SLC25A13: variants seen among roughly 807,000 people sequenced by gnomAD.
The protein encoded by SLC25A13 is solute carrier family 25 member 13.
In SLC25A13, 70 loss-of-function variants were observed where a neutral mutation model predicts 85.5. The observed-to-expected ratio is 0.82, with a 90% CI of 0.68 to 1.00. The LOEUF (loss-of-function observed/expected upper bound fraction) is 1.00. Ranked by LOEUF, SLC25A13 falls within the 50% of genes least tolerant of loss-of-function variation. The pLI is 0.00. For missense variants in SLC25A13, 765 were observed against 819.8 expected (o/e 0.93, Z 0.82); for synonymous variants, 259 against 288.7 (o/e 0.90, Z 1.04).
chr7:96,232,019 C>A (rs886651318), intron 4 of SLC25A13, among the ~76,000 whole-genome samples: 1 of 152,108 alleles, frequency 6.6e-6, no homozygotes, highest in African/African-American at 2.4e-5. Flanking sequence ...CTGTGGAAAA[C>A]AGTGTGGTGA....
At chr7:96,158,832 T>C (rs1989826) in intron 13 of SLC25A13, among the ~76,000 whole-genome samples, 57,931 of 152,086 alleles carry the variant, frequency 0.38, 11,245 homozygotes, top group East Asian at 0.59. Flanking sequence ...GACATTTGAA[T>C]AAATTAGAAA....
intron 13 of SLC25A13, among the ~76,000 whole-genome samples, chr7:96,159,834 G>C (rs754014249): frequency 6.6e-6 from 1 of 152,000 alleles, no homozygotes; most frequent in African/African-American, 2.4e-5. Context: ...AAATATCCTA[G>C]TCCTAATTTC....
At chr7:96,192,501 C>A (rs1053659912) in intron 6 of SLC25A13, among the ~76,000 whole-genome samples, 1 of 152,040 alleles carries the variant, frequency 6.6e-6, no homozygotes, top group African/African-American at 2.4e-5. Context: ...CAGGACATCC[C>A]CAGGGCCCAT....
chr7:96,311,324 G>T (rs570334532), intron 1 of SLC25A13, among the ~76,000 whole-genome samples: 1 of 152,184 alleles, frequency 6.6e-6, no homozygotes, highest in East Asian at 1.9e-4. Context: ...ACCCAGCAAT[G>T]TGATGGGAAG....
At chr7:96,194,461 A>AAAAAAAAAAAAAAAAAT (rs1562832900) in intron 5 of SLC25A13, among the ~76,000 whole-genome samples, 1 of 148,482 alleles carries the variant, frequency 6.7e-6, no homozygotes, top group Non-Finnish European at 1.5e-5. Context: ...AAAAAAAAAA[A>AAAAAAAAAAAAAAAAAT]AAAAAAGGAA....
intron 11 of SLC25A13, among the ~76,000 whole-genome samples, chr7:96,182,794 C>T (rs1794470820): frequency 1.3e-5 from 2 of 152,188 alleles, no homozygotes; most frequent in African/African-American, 2.4e-5. Context: ...AGACACTGAG[C>T]AGTGTTGGGA....
rs993896847 is a variant in SLC25A13, at chr7:96,123,435, T to A, written c.1592-1438A>T. 2.6e-5 allele frequency among the ~76,000 whole-genome samples: 4 copies of A among 152,176 alleles called. No individual in the cohort carries two copies. The East Asian group carries it at 7.7e-4, about 29-fold the overall frequency. ...GTGGGCAGGCATGTCAGACTGTGAC[T>A]GTGAAAGACATACAAGCAATAAAAT... On this transcript the variant is annotated intron_variant, in intron 15 of 17. Transcript: ENST00000265631.
intron 14 of SLC25A13, among the ~76,000 whole-genome samples, chr7:96,132,470 C>T (rs1227837851): frequency 6.6e-6 from 1 of 152,110 alleles, no homozygotes; most frequent in Non-Finnish European, 1.5e-5. Flanking sequence ...TTGATAAATG[C>T]CTGCTCTAAA....
intron 11 of SLC25A13, among the ~76,000 whole-genome samples, chr7:96,172,220 T>C (rs1794032729): frequency 6.6e-6 from 1 of 152,110 alleles, no homozygotes; most frequent in Admixed American, 6.5e-5. Context: ...GTGTGTTTTA[T>C]TGAGTAACAA....
At chr7:96,248,808 A>C (rs1173733391) in intron 3 of SLC25A13, among the ~76,000 whole-genome samples, 2 of 152,236 alleles carry the variant, frequency 1.3e-5, no homozygotes, top group African/African-American at 4.8e-5. Flanking sequence ...TCTTTAAGCA[A>C]AATATTTTCA....
chr7:96,306,102 C>T (rs34178317), intron 1 of SLC25A13, among the ~76,000 whole-genome samples: 91,141 of 152,034 alleles, frequency 0.6, 28,079 homozygotes, highest in Non-Finnish European at 0.67. Flanking sequence ...GATGAGGAAA[C>T]TGAGGCACAG....
intron 3 of SLC25A13, among the ~76,000 whole-genome samples, chr7:96,242,096 C>T (rs1032316342): frequency 1.3e-5 from 2 of 152,236 alleles, no homozygotes; most frequent in Non-Finnish European, 2.9e-5. Flanking sequence ...TTCCTAACCA[C>T]AAGAGTACTT....
At chr7:96,165,693 GAC>G (rs1455421881) in intron 13 of SLC25A13, among the ~76,000 whole-genome samples, 1 of 152,148 alleles carries the variant, frequency 6.6e-6, no homozygotes, top group African/African-American at 2.4e-5. Context: ...AAAGTAGAGA[GAC>G]ATGCTTAGAA....
intron 11 of SLC25A13, among the ~76,000 whole-genome samples, 181 bp downstream of exon 11, chr7:96,184,096 G>C (rs1187164468): frequency 6.6e-6 from 1 of 152,080 alleles, no homozygotes; most frequent in African/African-American, 2.4e-5. Flanking sequence ...TTCAGATTAT[G>C]GGCTGTTTTG....
In SLC25A13 at chr7:96,120,992, T is replaced by C. The variant is rs1240546977; in HGVS notation, c.*199A>G. On this transcript the variant is annotated 3_prime_UTR_variant, in exon 18 of 18. Coordinates refer to ENST00000265631, the MANE Select transcript of SLC25A13 (RefSeq NM_014251.3). ...AAAGGTTTCTGGGCAGAGGGCCAAA[T>C]AATAATTATGAATAATTTCACAATG... is the stretch of plus-strand genomic sequence containing the variant. 5.5e-6 allele frequency: 4 copies of C among 731,178 alleles called. No homozygotes were observed. Among genetic ancestry groups the C allele is most frequent in the Non-Finnish European group, 9.5e-6 (4 of 419,416 alleles). 45.3% of individuals were successfully genotyped at this position (731,178 alleles called of 1,614,324 possible).
rs77605897 is a variant in SLC25A13 at position 96,179,101 on chromosome 7, T to C, written c.1177+5176A>G. Among the ~76,000 whole-genome samples the C allele has an allele frequency of 9.7e-3, 1,478 of 152,354 alleles. 19 individuals carry two copies. Among genetic ancestry groups the C allele is most frequent in the African/African-American group, 0.033 (1,378 of 41,590 alleles). On this transcript the variant is annotated intron_variant, in intron 11 of 17. Transcript: ENST00000265631. ...TGTTAAAACATAAAATAAGTGATTATGATTATGGTCTGGAAAAAAATCAGT... is the reference window on the plus strand; with the variant it reads ...TGTTAAAACATAAAATAAGTGATTACGATTATGGTCTGGAAAAAAATCAGT...
Position 96,177,567 on chromosome 7 carries a change from C to G in SLC25A13, c.1178-6043G>C, listed in dbSNP as rs913308107. Among the ~76,000 whole-genome samples, 7 of 152,288 alleles carry G rather than the reference C, an allele frequency of 4.6e-5. No individual in the cohort carries two copies. In the East Asian group the frequency reaches 1.4e-3, roughly 29 times the overall value. On this transcript the variant is annotated intron_variant, in intron 11 of 17. Transcript: ENST00000265631. ...TCTCTTTGTATCTTAGTTTCCACATCTGTAGAATGGGAATAATCATGATGC... is the reference window on the plus strand; with the variant it reads ...TCTCTTTGTATCTTAGTTTCCACATGTGTAGAATGGGAATAATCATGATGC...
rs529743734 is a variant in SLC25A13 at position 96,308,614 on chromosome 7, C to T, written c.16-11663G>A. Among the ~76,000 whole-genome samples, 209 of 152,238 alleles carry T rather than the reference C, an allele frequency of 1.4e-3. 1 individual carries two copies. The highest frequency in any genetic ancestry group is 2.1e-3 in the Non-Finnish European group (142 of 68,010). ...AGAATTTCAAAAAGTACTAGAAAAA[C>T]GCACAGGTGGTTTCTTATGTAATGT... On this transcript the variant is annotated intron_variant, in intron 1 of 17. Coordinates refer to ENST00000265631, the MANE Select transcript of SLC25A13 (RefSeq NM_014251.3).
chr7:96,193,457 CA>C (rs2116664577), intron 5 of SLC25A13, among the ~76,000 whole-genome samples: 1 of 152,258 alleles, frequency 6.6e-6, no homozygotes, highest in South Asian at 2.1e-4. Context: ...TCCATGAACA[CA>C]AAGAAAATGA....
Sources: gnomAD v4.1 joint callset for allele counts (sites outside exome capture counted in the v4.1 genomes callset) on GRCh38, gnomAD v4.1.1 for gene constraint, MANE v1.5 for transcripts, NCBI Gene and HGNC (gene_info 2026-07-23, HGNC 2026-07-21) for gene names.